SLC2A13: variants seen among roughly 807,000 people sequenced by gnomAD.
SLC2A13 encodes the protein solute carrier family 2 member 13.
SLC2A13 carries 32 observed loss-of-function variants against 64.4 expected under a neutral mutation model. The observed-to-expected ratio is 0.50, with a 90% CI of 0.37 to 0.67. The LOEUF is 0.67. Ranked by LOEUF, SLC2A13 falls within the 30% of genes least tolerant of loss-of-function variation. The pLI is 0.00. For synonymous variants in SLC2A13, 338 were observed against 327.1 expected, an observed-to-expected ratio of 1.03 and a Z score of -0.36; for missense variants, 743 against 829.2, an observed-to-expected ratio of 0.90 and a Z score of 1.28.
At position 40,087,375 on chromosome 12, in the gene SLC2A13, A is replaced by G. The variant is rs79573711; in HGVS notation, c.556+17878T>C. ...GTCTATACCCCTCTGTGTTTCTTCCATTCATCAGTCATGGTCATATTAGTT... is the reference window on the plus strand; with the variant it reads ...GTCTATACCCCTCTGTGTTTCTTCCGTTCATCAGTCATGGTCATATTAGTT... On this transcript the variant is annotated intron_variant, in intron 1 of 9. Transcript: ENST00000280871. Among the ~76,000 whole-genome samples, 4 of 152,030 alleles carry G rather than the reference A, an allele frequency of 2.6e-5. No individual in the cohort carries two copies. The East Asian group carries it at 5.8e-4, about 22-fold the overall frequency.
intron 7 of SLC2A13, among the ~76,000 whole-genome samples, chr12:39,779,919 T>C (rs1374924297): frequency 1.3e-5 from 2 of 152,242 alleles, no homozygotes; most frequent in African/African-American, 2.4e-5. Flanking sequence ...CAAGCTGATT[T>C]ATCACTGTGG....
intron 1 of SLC2A13, among the ~76,000 whole-genome samples, chr12:40,092,404 G>A (rs1433678572): frequency 2.6e-5 from 4 of 152,136 alleles, no homozygotes; most frequent in East Asian, 3.9e-4. Flanking sequence ...CACTTGAAAC[G>A]TAACCCCATC....
chr12:40,051,511 T>C (rs1016936620), intron 1 of SLC2A13, among the ~76,000 whole-genome samples: 3 of 152,148 alleles, frequency 2.0e-5, no homozygotes, highest in Non-Finnish European at 4.4e-5. Context: ...TAGGGTCTGC[T>C]AGTCGAGTGG....
rs71449493 is a variant in SLC2A13 at position 39,812,996 on chromosome 12, A to ATTTTTTTTTTTTTTTT, written c.1445+17091_1445+17106dup. Among the ~76,000 whole-genome samples, 177 of 40,616 alleles carry ATTTTTTTTTTTTTTTT rather than the reference A, an allele frequency of 4.4e-3. 71 individuals are homozygous for ATTTTTTTTTTTTTTTT. Among genetic ancestry groups the ATTTTTTTTTTTTTTTT allele is most frequent in the Non-Finnish European group, 6.3e-3 (151 of 23,816 alleles). The allele number at this position is 40,616 out of a possible 152,430, so 26.6% of individuals were successfully genotyped here. ...AGGCGCCTGACATCATGCCCAGCTA[A>ATTTTTTTTTTTTTTTT]TTTTTTTTTTTTTTTTTTTTTTTTT... On this transcript the variant is annotated intron_variant, in intron 7 of 9. Coordinates refer to ENST00000280871, the MANE Select transcript of SLC2A13 (RefSeq NM_052885.4).
chr12:39,790,611 G>C (rs1372729849), intron 7 of SLC2A13, among the ~76,000 whole-genome samples: 1 of 138,040 alleles, frequency 7.2e-6, no homozygotes, highest in Non-Finnish European at 1.5e-5. Flanking sequence ...TCTTAATCCA[G>C]TCTATGATTG....
chr12:39,946,884 C>A (rs1228817478), intron 4 of SLC2A13, among the ~76,000 whole-genome samples: 1 of 152,132 alleles, frequency 6.6e-6, no homozygotes, highest in African/African-American at 2.4e-5. Flanking sequence ...GGCTTCTTGC[C>A]CCATTCAAAT....
chr12:40,105,158 A>T lies in SLC2A13; in HGVS notation c.556+95T>A. 7.2e-7 allele frequency: 1 copy of T among 1,396,164 alleles called. No homozygotes were observed. The highest frequency in any genetic ancestry group is 9.3e-7 in the Non-Finnish European group (1 of 1,078,564). The allele number at this position is 1,396,164 out of a possible 1,614,324, so 86.5% of individuals were successfully genotyped here. On this transcript the variant is annotated intron_variant, in intron 1 of 9. Transcript: ENST00000280871. This position sits in a 1 kb window ranked among gnomAD's most constrained non-coding sequence, Gnocchi z 4.2. ...GAGGATTCTCTGACCCTGGGAGACC[A>T]GACGGGGACCCCGATGGGCAAGAGG... is the stretch of plus-strand genomic sequence containing the variant.
At position 39,989,289 on chromosome 12, in the gene SLC2A13, G is replaced by A. The variant is rs188738564; in HGVS notation, c.926-37924C>T. Among the ~76,000 whole-genome samples the A allele has an allele frequency of 1.8e-4, 27 of 152,052 alleles. No individual in the cohort carries two copies. The East Asian group carries it at 5.2e-3, about 29-fold the overall frequency. On this transcript the variant is annotated intron_variant, in intron 3 of 9. Coordinates refer to ENST00000280871, the MANE Select transcript of SLC2A13 (RefSeq NM_052885.4). ...ACATGCCACCTCTCTGACTTTCCTG[G>A]ACCAACCTATAAAAAGGTGCAACCC...
Position 39,758,182 on chromosome 12 carries a change from A to T in SLC2A13, c.*1844T>A, listed in dbSNP as rs1278029124. 2.0e-5 allele frequency: 3 copies of T among 151,442 alleles called. No homozygotes were observed. Among genetic ancestry groups the T allele is most frequent in the East Asian group, 1.9e-4 (1 of 5,160 alleles). The allele number at this position is 151,442 out of a possible 1,614,324, so 9.4% of individuals were successfully genotyped here. On this transcript the variant is annotated 3_prime_UTR_variant, in exon 10 of 10. Transcript: ENST00000280871. ...AGGAAAAAACCTCTATAAAATATTA[A>T]TTTTTTTTATTATATGAAATGACCA...
chr12:39,992,656 A>G (rs1947155736), intron 3 of SLC2A13, among the ~76,000 whole-genome samples: 1 of 152,198 alleles, frequency 6.6e-6, no homozygotes, highest in Non-Finnish European at 1.5e-5. Context: ...AAAAAGCTCA[A>G]CAAGCTTGGA....
At chr12:39,822,334 CA>C (rs1592171625) in intron 7 of SLC2A13, among the ~76,000 whole-genome samples, 1 of 152,230 alleles carries the variant, frequency 6.6e-6, no homozygotes, top group East Asian at 1.9e-4. Flanking sequence ...CCAGGTATCA[CA>C]TAAAGCCATT....
chr12:40,097,044 C>T (rs1018074728), intron 1 of SLC2A13, among the ~76,000 whole-genome samples: 3 of 152,110 alleles, frequency 2.0e-5, no homozygotes, highest in Non-Finnish European at 2.9e-5. Context: ...AATTTCTCTA[C>T]ACTTCCTTTA....
At chr12:39,796,339 C>A (rs901069390) in intron 7 of SLC2A13, among the ~76,000 whole-genome samples, 1 of 151,392 alleles carries the variant, frequency 6.6e-6, no homozygotes, top group Non-Finnish European at 1.5e-5. Flanking sequence ...CCTGTAATCC[C>A]AGCTACTTGG....
chr12:40,076,218 A>C (rs567172235), intron 1 of SLC2A13, among the ~76,000 whole-genome samples: 88 of 152,288 alleles, frequency 5.8e-4, no homozygotes, highest in Non-Finnish European at 1.0e-3. Flanking sequence ...GGTAAACTGC[A>C]CATCACTGGA....
intron 7 of SLC2A13, among the ~76,000 whole-genome samples, chr12:39,817,676 T>A (rs1942377411): frequency 6.6e-6 from 1 of 152,162 alleles, no homozygotes; most frequent in African/African-American, 2.4e-5. Context: ...CAGTTAGTAG[T>A]CATCTTAGTT....
At chr12:40,101,298 C>T (rs144957636) in intron 1 of SLC2A13, among the ~76,000 whole-genome samples, 421 of 152,224 alleles carry the variant, frequency 2.8e-3, no homozygotes, top group African/African-American at 9.8e-3. Context: ...TACACATATC[C>T]CTGACTTCTG....
At chr12:40,075,571 G>A (rs973100345) in intron 1 of SLC2A13, among the ~76,000 whole-genome samples, 1 of 152,102 alleles carries the variant, frequency 6.6e-6, no homozygotes, top group South Asian at 2.1e-4. Flanking sequence ...TATTATCTGG[G>A]CATGGCTTTC....
chr12:40,025,442 G>A (rs934511315), intron 3 of SLC2A13, among the ~76,000 whole-genome samples: 3 of 152,142 alleles, frequency 2.0e-5, no homozygotes, highest in Non-Finnish European at 4.4e-5. Context: ...TATGAAAAGA[G>A]AAGGATCACA....
At chr12:39,970,242 C>T (rs944238211) in intron 3 of SLC2A13, among the ~76,000 whole-genome samples, 3 of 152,126 alleles carry the variant, frequency 2.0e-5, no homozygotes, top group African/African-American at 7.2e-5. Flanking sequence ...GTGATGCCTC[C>T]AGCTTTGTTC....
Sources: allele counts gnomAD v4.1 joint callset (sites outside exome capture counted in the v4.1 genomes callset), GRCh38; gene constraint gnomAD v4.1.1; non-coding constraint Gnocchi (gnomAD v3.1); transcripts MANE v1.5; gene names NCBI Gene and HGNC (gene_info 2026-07-23, HGNC 2026-07-21).